Variants in RAPH1 observed in about 807,000 individuals in gnomAD.
RAPH1 encodes the protein ras-associated and pleckstrin homology domains-containing protein 1.
Under a neutral mutation model 88.1 loss-of-function variants are expected in RAPH1, and 18 were observed. That is an observed-to-expected ratio of 0.20 (90% CI 0.14 to 0.30). RAPH1 has a LOEUF of 0.30. Ranked by LOEUF, RAPH1 falls within the 10% of genes least tolerant of loss-of-function variation. The pLI is 1.00. For synonymous variants in RAPH1, 587 were observed against 559.0 expected, an observed-to-expected ratio of 1.05 and a Z score of -0.71; for missense variants, 1,448 against 1,543.2, an observed-to-expected ratio of 0.94 and a Z score of 1.03.
intron 1 of RAPH1, among the ~76,000 whole-genome samples, chr2:203,506,806 C>CTATA (rs1559494440): frequency 3.8e-4 from 34 of 90,518 alleles, no homozygotes; most frequent in African/African-American, 9.2e-4. Context: ...ATATATATAT[C>CTATA]TATATCTATA....
At chr2:203,474,441 T>C (rs969036282) in intron 4 of RAPH1, among the ~76,000 whole-genome samples, 1 of 152,228 alleles carries the variant, frequency 6.6e-6, no homozygotes, top group African/African-American at 2.4e-5. Context: ...AATCTGAGCT[T>C]AGAATCTAAT....
chr2:203,497,885 T>C (rs1025136337), intron 1 of RAPH1, among the ~76,000 whole-genome samples: 1 of 152,128 alleles, frequency 6.6e-6, no homozygotes, highest in African/African-American at 2.4e-5. Context: ...GTTCATTAAG[T>C]GATCTACCCA....
chr2:203,523,975 G>A (rs753452431), intron 1 of RAPH1, among the ~76,000 whole-genome samples: 4 of 152,186 alleles, frequency 2.6e-5, no homozygotes, highest in African/African-American at 4.8e-5. Context: ...CTGTACTCCA[G>A]CCTGGGCAAC....
chr2:203,445,131 AT>A, intron 12 of RAPH1, 121 bp from the exon 13 acceptor site: 1 of 729,188 alleles, frequency 1.4e-6, no homozygotes, highest in Non-Finnish European at 2.1e-6. Flanking sequence ...GCACCAAGTT[AT>A]TTTACTCATT....
intron 1 of RAPH1, among the ~76,000 whole-genome samples, chr2:203,512,176 C>T (rs1242206228): frequency 1.3e-5 from 2 of 151,562 alleles, no homozygotes; most frequent in Non-Finnish European, 2.9e-5. Flanking sequence ...CACCTATAAT[C>T]TCAACACTTT....
In RAPH1 at chr2:203,434,999, A is replaced by C. The variant is rs1469727287; in HGVS notation, c.*4438T>G. ...GGATTTCTTTAAAAATATTCTGCCA[A>C]AAGAGTTGAAGGCACTGGGGGTTTA... is the stretch of plus-strand genomic sequence containing the variant. On this transcript the variant is annotated 3_prime_UTR_variant, in exon 14 of 14. Transcript: ENST00000319170. 2 of 152,638 alleles carry C rather than the reference A, an allele frequency of 1.3e-5. No individual in the cohort carries two copies. The highest frequency in any genetic ancestry group is 4.8e-5 in the African/African-American group (2 of 41,446). 9.5% of individuals were successfully genotyped at this position (152,638 alleles called of 1,614,324 possible).
At chr2:203,487,216 T>C (rs188084697) in intron 4 of RAPH1, among the ~76,000 whole-genome samples, 3 of 152,294 alleles carry the variant, frequency 2.0e-5, no homozygotes, top group African/African-American at 7.2e-5. Context: ...TGTAAACTGA[T>C]TGGAAGGAAT....
Position 203,490,053 on chromosome 2 carries a change from G to C in RAPH1, c.263C>G (p.Ala88Gly). 6.2e-7 allele frequency: 1 copy of C among 1,613,434 alleles called. No individual in the cohort carries two copies. The highest frequency in any genetic ancestry group is 1.1e-5 in the South Asian group (1 of 91,042). ...TATAGAGCAAAGATCAGCCATCAAG[G>C]CATCCAGATCCACAGTCTCTCCCTG... ...LNQGETVDLD[A>G]LMADLCSIEQ... The change falls in exon 4 of 14, where the codon GCC (alanine) becomes GGC (glycine). Residue 88 changes from alanine (A) to glycine (G), a missense_variant. This residue lies in a region of RAPH1 where 513 missense variants were observed against 653.1 expected (regional missense o/e 0.79). Transcript: ENST00000319170.
chr2:203,495,226 C>G lies in RAPH1; in HGVS notation c.120+8G>C, dbSNP rs759756002. ...AAATCCTCAACCAGTTTTTCAAGCACTACTCACCTGAGTGAGTTTGTCTAG... is the reference window on the plus strand; with the variant it reads ...AAATCCTCAACCAGTTTTTCAAGCAGTACTCACCTGAGTGAGTTTGTCTAG... On this transcript the variant is annotated splice_region_variant and intron_variant, in intron 2 of 13. Transcript: ENST00000319170. The G allele has an allele frequency of 6.8e-6, 11 of 1,613,942 alleles. No individual in the cohort carries two copies. In the South Asian group the frequency reaches 1.1e-4, roughly 16 times the overall value.
At chr2:203,457,314 G>A (rs1340096875) in intron 8 of RAPH1, among the ~76,000 whole-genome samples, 1 of 151,860 alleles carries the variant, frequency 6.6e-6, no homozygotes, top group Non-Finnish European at 1.5e-5. Flanking sequence ...AGCCTCCCGA[G>A]TAGCTGGGAT....
intron 4 of RAPH1, among the ~76,000 whole-genome samples, chr2:203,486,319 G>A (rs1687969245): frequency 6.6e-6 from 1 of 152,074 alleles, no homozygotes; most frequent in Admixed American, 6.6e-5. Context: ...GTATATGGAG[G>A]TTAGCAGTAA....
chr2:203,526,856 C>T (rs1199226351), intron 1 of RAPH1, among the ~76,000 whole-genome samples: 1 of 151,214 alleles, frequency 6.6e-6, no homozygotes, highest in East Asian at 1.9e-4. Flanking sequence ...GCGATCTCAG[C>T]TCCTGCAACC....
rs527477214 is a variant in RAPH1 at position 203,508,145 on chromosome 2, G to A, written c.1-12792C>T. Among the ~76,000 whole-genome samples, 26 of 150,858 alleles carry A rather than the reference G, an allele frequency of 1.7e-4. No individual in the cohort carries two copies. In the East Asian group the frequency reaches 4.3e-3, roughly 25 times the overall value. On this transcript the variant is annotated intron_variant, in intron 1 of 13. Coordinates refer to ENST00000319170, the MANE Select transcript of RAPH1 (RefSeq NM_213589.3). ...TGAGGCAGGAGAATGGCGTAAACCCGGGAGGCAGAGCTTGTATAGTGAGCT... is the reference window on the plus strand; with the variant it reads ...TGAGGCAGGAGAATGGCGTAAACCCAGGAGGCAGAGCTTGTATAGTGAGCT...
chr2:203,520,283 G>GATCATACT (rs1689805334), intron 1 of RAPH1, among the ~76,000 whole-genome samples: 1 of 151,014 alleles, frequency 6.6e-6, no homozygotes, highest in South Asian at 2.1e-4. Flanking sequence ...AGTAAGCTGT[G>GATCATACT]ATCATACTAC....
chr2:203,491,280 A>T lies in RAPH1; in HGVS notation c.160T>A (p.Ser54Thr). 2 of 1,613,550 alleles carry T rather than the reference A, an allele frequency of 1.2e-6. No individual in the cohort carries two copies. Among genetic ancestry groups the T allele is most frequent in the Non-Finnish European group, 1.7e-6 (2 of 1,179,738 alleles). ...SDKPMEPVKRSPLRQETNMAN... is the reference protein window; with the variant it reads ...SDKPMEPVKRTPLRQETNMAN... Reference sequence around the variant, plus strand: ...ATGTTTGTTTCCTGGCGAAGAGGAGATCTTTTTACTGGTTCCATGGGCTTG... The same window carrying T: ...ATGTTTGTTTCCTGGCGAAGAGGAGTTCTTTTTACTGGTTCCATGGGCTTG... The change falls in exon 3 of 14, where the codon TCT becomes ACT. Residue 54 changes from serine (S) to threonine (T), a missense_variant. Around this residue, in one of 2 missense-constraint regions of RAPH1, gnomAD observed 513 missense variants for 653.1 expected, o/e 0.79. Transcript: ENST00000319170.
chr2:203,465,936 C>T (rs1444393789), intron 4 of RAPH1, among the ~76,000 whole-genome samples: 1 of 151,884 alleles, frequency 6.6e-6, no homozygotes, highest in Non-Finnish European at 1.5e-5. Context: ...ACCCGTGTAA[C>T]CAACTAACAT....
At chr2:203,463,019 G>C (rs2098525387) in intron 4 of RAPH1, among the ~76,000 whole-genome samples, 1 of 151,768 alleles carries the variant, frequency 6.6e-6, no homozygotes, top group African/African-American at 2.4e-5. Flanking sequence ...GTGCAACTTG[G>C]TGAAACCCCG....
intron 4 of RAPH1, among the ~76,000 whole-genome samples, chr2:203,475,591 G>A (rs1000993504): frequency 6.6e-6 from 1 of 151,634 alleles, no homozygotes; most frequent in Non-Finnish European, 1.5e-5. Context: ...TTCTCTACTT[G>A]CCTATAAACT....
intron 1 of RAPH1, among the ~76,000 whole-genome samples, chr2:203,503,306 T>C (rs1019551958): frequency 2.0e-5 from 3 of 152,188 alleles, no homozygotes; most frequent in African/African-American, 7.2e-5. Context: ...TTCATGCTGC[T>C]GATAAAGACA....
Sources: allele counts gnomAD v4.1 joint callset (sites outside exome capture counted in the v4.1 genomes callset), GRCh38; gene constraint gnomAD v4.1.1; regional missense constraint gnomAD v4.1.1; transcripts MANE v1.5; gene names NCBI Gene and HGNC (gene_info 2026-07-23, HGNC 2026-07-21).